The following GPHN variants were observed in gnomAD, a reference collection of about 807,000 sequenced individuals.
The protein encoded by GPHN is gephyrin.
GPHN carries 17 observed loss-of-function variants against 95.5 expected under a neutral mutation model. The observed-to-expected ratio is 0.18, with a 90% CI of 0.12 to 0.27. The LOEUF (loss-of-function observed/expected upper bound fraction) is 0.27. GPHN is among the 10% of genes least tolerant of loss of function. GPHN has a pLI of 1.00. For synonymous variants in GPHN, 320 were observed against 322.5 expected (o/e 0.99, Z 0.08); for missense variants, 660 against 978.1 (o/e 0.67, Z 4.34).
chr14:66,831,641 CTT>C (rs1313614127), intron 4 of GPHN, among the ~76,000 whole-genome samples: 3 of 152,152 alleles, frequency 2.0e-5, no homozygotes, highest in Non-Finnish European at 4.4e-5. Context: ...AACTATGAAA[CTT>C]AAGGCAAGTT....
chr14:67,496,765 CCCTT>C, the GPHN span, among the ~76,000 whole-genome samples: 1 of 123,164 alleles, frequency 8.1e-6, no homozygotes, highest in Non-Finnish European at 1.8e-5. Flanking sequence ...CTCCCTCCCT[CCCTT>C]CCTCCCTCCC....
the GPHN span, among the ~76,000 whole-genome samples, chr14:67,703,066 T>C: frequency 6.6e-6 from 1 of 152,276 alleles, no homozygotes; most frequent in South Asian, 2.1e-4. Flanking sequence ...ATGATCCTCC[T>C]ACCTTGGCCT....
At chr14:66,606,738 G>T (rs1417279655) in intron 1 of GPHN, among the ~76,000 whole-genome samples, 1 of 151,956 alleles carries the variant, frequency 6.6e-6, no homozygotes, top group African/African-American at 2.4e-5. Context: ...ATTGGTGTGT[G>T]TTCTTGATTT....
intron 2 of GPHN, among the ~76,000 whole-genome samples, chr14:66,743,696 C>T (rs767099157): frequency 1.3e-5 from 2 of 152,122 alleles, no homozygotes; most frequent in Non-Finnish European, 2.9e-5. Context: ...GAGCGGAGAT[C>T]GCGCCACTGC....
chr14:67,631,234 T>A, the GPHN span, among the ~76,000 whole-genome samples: 3 of 152,214 alleles, frequency 2.0e-5, no homozygotes, highest in African/African-American at 7.2e-5. Flanking sequence ...CATTTCAGCT[T>A]GTTATAATGT....
At chr14:67,585,371 G>A in the GPHN span, 8 of 562,726 alleles carry the variant, frequency 1.4e-5, no homozygotes, top group South Asian at 6.2e-5. Context: ...GAGCCCCAAG[G>A]CCAAGGGTCT....
At chr14:66,757,143 G>A (rs547576215) in intron 2 of GPHN, among the ~76,000 whole-genome samples, 4 of 151,920 alleles carry the variant, frequency 2.6e-5, no homozygotes, top group Non-Finnish European at 5.9e-5. Flanking sequence ...GGGGAATCCA[G>A]GAAAACCATG....
intron 9 of GPHN, among the ~76,000 whole-genome samples, chr14:66,987,009 T>C (rs2071071931): frequency 6.6e-6 from 1 of 152,180 alleles, no homozygotes; most frequent in Admixed American, 6.5e-5. Flanking sequence ...CTAACACTGC[T>C]TTATAGTGGA....
At chr14:67,669,558 C>T in the GPHN span, among the ~76,000 whole-genome samples, 1 of 151,806 alleles carries the variant, frequency 6.6e-6, no homozygotes, top group East Asian at 1.9e-4. Context: ...CGAGCCACCA[C>T]ACCTGGCCCC....
chr14:67,580,140 CTCT>C, the GPHN span: 1 of 389,520 alleles, frequency 2.6e-6, no homozygotes, highest in Non-Finnish European at 4.7e-6. Context: ...GAAGAAAAGC[CTCT>C]TCTTGGCTTG....
the GPHN span, chr14:67,579,974 C>G: frequency 8.4e-7 from 1 of 1,188,134 alleles, no homozygotes. Flanking sequence ...TGTTTGGTAG[C>G]TCATTTGGTG....
intron 2 of GPHN, among the ~76,000 whole-genome samples, chr14:66,729,276 C>T (rs1595713228): frequency 1.3e-5 from 2 of 152,100 alleles, no homozygotes; most frequent in African/African-American, 4.8e-5. Flanking sequence ...CAGGATATCT[C>T]ATTATATATG....
the GPHN span, among the ~76,000 whole-genome samples, chr14:67,717,369 G>T: frequency 6.6e-6 from 1 of 152,204 alleles, no homozygotes; most frequent in Non-Finnish European, 1.5e-5. Context: ...ACAGAATTAA[G>T]CTGGGAGAAG....
At position 66,959,799 on chromosome 14, in the gene GPHN, G is replaced by A. The variant is rs2068775363; in HGVS notation, c.829-5392G>A. Among the ~76,000 whole-genome samples the A allele has an allele frequency of 2.6e-5, 4 of 152,040 alleles. 1 individual carries two copies. In the South Asian group the frequency reaches 8.3e-4, roughly 32 times the overall value. On this transcript the variant is annotated intron_variant, in intron 8 of 22. Transcript: ENST00000478722. ...CAAATTTGGGAAGTTTTTAGGCATT[G>A]TTTCCTCAAATAATCTCTTTGCTTC...
chr14:66,509,779 A>T (rs1478142948), intron 1 of GPHN, among the ~76,000 whole-genome samples: 1 of 152,120 alleles, frequency 6.6e-6, no homozygotes, highest in Non-Finnish European at 1.5e-5. Flanking sequence ...TAACTGTCAA[A>T]TTCTGACAGG....
At chr14:66,775,392 G>C (rs1181935985) in intron 2 of GPHN, among the ~76,000 whole-genome samples, 1 of 152,130 alleles carries the variant, frequency 6.6e-6, no homozygotes, top group African/African-American at 2.4e-5. Context: ...GTACCTGATA[G>C]AGATGTGCTG....
chr14:67,411,992 T>A, the GPHN span: 2 of 1,534,130 alleles, frequency 1.3e-6, no homozygotes, highest in Non-Finnish European at 1.8e-6. Flanking sequence ...ACCCGGGCAA[T>A]GTCCCGAAGC....
chr14:67,523,715 C>T, the GPHN span, among the ~76,000 whole-genome samples: 1 of 152,364 alleles, frequency 6.6e-6, no homozygotes, highest in Non-Finnish European at 1.5e-5. Context: ...TGTAAATACA[C>T]ACTTCTTTTT....
chr14:66,740,152 C>A (rs1044699834), intron 2 of GPHN, among the ~76,000 whole-genome samples: 1 of 152,084 alleles, frequency 6.6e-6, no homozygotes, highest in Non-Finnish European at 1.5e-5. Context: ...TATGATATAT[C>A]TCACAAAAAT....
Sources: allele counts gnomAD v4.1 joint callset (sites outside exome capture counted in the v4.1 genomes callset), GRCh38; gene constraint gnomAD v4.1.1; transcripts MANE v1.5; gene names NCBI Gene and HGNC (gene_info 2026-07-23, HGNC 2026-07-21).